Variants in PPARGC1B observed in about 807,000 individuals in gnomAD.
PPARGC1B encodes the protein peroxisome proliferator-activated receptor gamma coactivator 1-beta.
In PPARGC1B, 34 loss-of-function variants were observed where a neutral mutation model predicts 101.6. The ratio of observed to expected loss-of-function variants is 0.33; its 90% CI spans 0.25 to 0.45. The LOEUF (loss-of-function observed/expected upper bound fraction) is 0.45. PPARGC1B is among the 20% of genes least tolerant of loss of function. The probability of loss-of-function intolerance (pLI) is 1.00; values close to 1 mark genes in which losing one functional copy is unlikely to be tolerated. For synonymous variants in PPARGC1B, 548 were observed against 539.3 expected (o/e 1.02, Z -0.22); for missense variants, 1,234 against 1,317.6 (o/e 0.94, Z 0.98).
chr5:149,827,107 T>G (rs1415435737), intron 3 of PPARGC1B, among the ~76,000 whole-genome samples: 3 of 152,260 alleles, frequency 2.0e-5, no homozygotes, highest in African/African-American at 7.2e-5. Flanking sequence ...TTCACCTGCA[T>G]TCTCTATGCT....
chr5:149,821,214 T>C, intron 2 of PPARGC1B, among the ~76,000 whole-genome samples: 1 of 152,206 alleles, frequency 6.6e-6, no homozygotes, highest in Non-Finnish European at 1.5e-5. Flanking sequence ...GTAAATACAA[T>C]TATCTCCCTT....
At chr5:149,820,628 C>G (rs755744782) in intron 2 of PPARGC1B, 22 bp downstream of exon 2, 1 of 1,591,934 alleles carries the variant, frequency 6.3e-7, no homozygotes, top group Non-Finnish European at 8.5e-7. Context: ...CCAGTCTCCC[C>G]TCCTCCCACC....
At chr5:149,770,802 G>A (rs1237263637) in intron 1 of PPARGC1B, among the ~76,000 whole-genome samples, 3 of 150,856 alleles carry the variant, frequency 2.0e-5, no homozygotes, top group African/African-American at 4.9e-5. Flanking sequence ...ACTCCAGCCC[G>A]GACAACAGAG....
At chr5:149,835,928 T>C (rs1759046649) in intron 7 of PPARGC1B, among the ~76,000 whole-genome samples, 1 of 151,336 alleles carries the variant, frequency 6.6e-6, no homozygotes. Context: ...GCCATTTTAT[T>C]GCCATCCCAA....
At position 149,852,343 on chromosome 5, in the gene PPARGC1B, T is replaced by C. The variant is rs1759797987; in HGVS notation, c.*4785T>C. 1 of 152,216 alleles carries C rather than the reference T, an allele frequency of 6.6e-6. No individual in the cohort carries two copies. Among genetic ancestry groups the C allele is most frequent in the Non-Finnish European group, 1.5e-5 (1 of 68,042 alleles). 9.4% of individuals were successfully genotyped at this position (152,216 alleles called of 1,614,324 possible). A position where few individuals can be genotyped will look rare whatever the true frequency, so the allele number is the denominator to read the frequency against. ...TGAGCATTAAAGTCCCTTTCACCTC[T>C]GAGAGGCTCAGATCCCCAACCAGGA... On this transcript the variant is annotated 3_prime_UTR_variant, in exon 12 of 12. Transcript: ENST00000309241.
chr5:149,836,267 C>A lies in PPARGC1B; in HGVS notation c.1812C>A (p.Leu604=), dbSNP rs1248060335. Residue 604 remains leucine, a synonymous_variant, in exon 8 of 12, where the codon CTC becomes CTA. Coordinates refer to ENST00000309241, the MANE Select transcript of PPARGC1B (RefSeq NM_133263.4). ...TTTCTCCTCTTCCTCGGGCAGGACT[C>A]ACCCCACCCACCACACCACCGTACA... The part of the protein sequence containing the change: ...LTVELCGTAG[L]TPPTTPPYKP... 5.8e-6 allele frequency: 9 copies of A among 1,561,578 alleles called. No homozygotes were observed. Among genetic ancestry groups the A allele is most frequent in the Non-Finnish European group, 6.9e-6 (8 of 1,155,200 alleles).
intron 2 of PPARGC1B, among the ~76,000 whole-genome samples, chr5:149,826,285 A>T (rs1447992076): frequency 6.6e-6 from 1 of 152,166 alleles, no homozygotes; most frequent in East Asian, 1.9e-4. Context: ...GAGGGGCTGT[A>T]ACGGGTTGCT....
At chr5:149,809,419 GATAGATAGATCCATCTCTACC>G (rs1340608295) in intron 1 of PPARGC1B, among the ~76,000 whole-genome samples, 14 of 146,676 alleles carry the variant, frequency 9.5e-5, no homozygotes, top group South Asian at 4.4e-4. Flanking sequence ...TAGATAGATA[GATAGATAGATCCATCTCTACC>G]ATAGATAGAT....
At chr5:149,797,503 C>T (rs761929136) in intron 1 of PPARGC1B, among the ~76,000 whole-genome samples, 3 of 152,174 alleles carry the variant, frequency 2.0e-5, no homozygotes, top group Non-Finnish European at 4.4e-5. Context: ...ATTAGGCATG[C>T]CACTAGCTCT....
In PPARGC1B at chr5:149,854,216, C is replaced by T. The variant is rs1414556790; in HGVS notation, c.*6658C>T. 1.3e-5 allele frequency: 2 copies of T among 152,120 alleles called. No homozygotes were observed. Among genetic ancestry groups the T allele is most frequent in the East Asian group, 3.9e-4 (2 of 5,186 alleles). 9.4% of individuals were successfully genotyped at this position (152,120 alleles called of 1,614,324 possible). On this transcript the variant is annotated 3_prime_UTR_variant, in exon 12 of 12. Transcript: ENST00000309241. ...GGGTCAAACCAAGGAATGGCTAAAC[C>T]TGTGAGGTTTTGTCATCCCCGGGGG...
chr5:149,737,491 C>T (rs1229158785), intron 1 of PPARGC1B, among the ~76,000 whole-genome samples: 1 of 152,208 alleles, frequency 6.6e-6, no homozygotes, highest in Non-Finnish European at 1.5e-5. Context: ...TCACCAGCCA[C>T]TGTTTTGGCG....
chr5:149,825,061 A>G (rs1000764910), intron 2 of PPARGC1B, among the ~76,000 whole-genome samples: 1 of 151,626 alleles, frequency 6.6e-6, no homozygotes, highest in Admixed American at 6.6e-5. Flanking sequence ...AGGAGGCATC[A>G]TGTGACAGAA....
At chr5:149,814,663 G>A (rs1411990228) in intron 1 of PPARGC1B, among the ~76,000 whole-genome samples, 1 of 152,220 alleles carries the variant, frequency 6.6e-6, no homozygotes, top group African/African-American at 2.4e-5. Flanking sequence ...TTATAGCCAG[G>A]AAAGTAGAGC....
intron 1 of PPARGC1B, among the ~76,000 whole-genome samples, chr5:149,735,853 C>T (rs1039262341): frequency 2.0e-5 from 3 of 152,186 alleles, no homozygotes; most frequent in African/African-American, 7.2e-5. Context: ...AGGCCGGGTG[C>T]GGCGGCTCAC....
chr5:149,781,428 C>G (rs1756594078), intron 1 of PPARGC1B, among the ~76,000 whole-genome samples: 1 of 152,170 alleles, frequency 6.6e-6, no homozygotes, highest in African/African-American at 2.4e-5. Flanking sequence ...CTTAGCCTCC[C>G]CATGCCTCAG....
At chr5:149,798,898 A>T (rs780756275) in intron 1 of PPARGC1B, among the ~76,000 whole-genome samples, 3 of 152,202 alleles carry the variant, frequency 2.0e-5, no homozygotes, top group East Asian at 1.9e-4. Flanking sequence ...AAGGGCAGTG[A>T]TTCTTATGGG....
In PPARGC1B at chr5:149,833,800, C is replaced by T. The variant is rs370178112; in HGVS notation, c.1705+22C>T. The T allele has an allele frequency of 6.6e-5, 97 of 1,468,056 alleles. No individual in the cohort carries two copies. Among genetic ancestry groups the T allele is most frequent in the South Asian group, 4.5e-4 (32 of 71,148 alleles). The allele number at this position is 1,468,056 out of a possible 1,614,324, so 90.9% of individuals were successfully genotyped here. On this transcript the variant is annotated intron_variant, in intron 5 of 11. Transcript: ENST00000309241. The surrounding 1 kb of genome is among the most constrained non-coding windows in gnomAD (Gnocchi z 4.1). ...AGAGGTAGTCAGAGTTGGTGGTCTG[C>T]GAAGTGGGGGCAGGGATGGGGTGCA...
At chr5:149,762,751 T>C (rs1755761769) in intron 1 of PPARGC1B, among the ~76,000 whole-genome samples, 1 of 152,140 alleles carries the variant, frequency 6.6e-6, no homozygotes, top group Non-Finnish European at 1.5e-5. Flanking sequence ...GAATCTCACT[T>C]TTATCCTCTA....
In PPARGC1B at chr5:149,826,763, G is replaced by A; in HGVS notation, c.343G>A (p.Ala115Thr). Residue 115 changes from alanine (A) to threonine (T), a missense_variant, in exon 3 of 12, where the codon GCC becomes ACC. Around this residue, in one of 3 missense-constraint regions of PPARGC1B, gnomAD observed 734 missense variants for 768.4 expected, o/e 0.96. Transcript: ENST00000309241. Reference sequence around the variant, plus strand: ...TGACGTGGGTCTGGCTGCCTTCCCAGCCCTGGATGGTGGAGACGCTCTATC... The same window carrying A: ...TGACGTGGGTCTGGCTGCCTTCCCAACCCTGGATGGTGGAGACGCTCTATC... ...EDDVGLAAFPALDGGDALSCT... is the reference protein window; with the variant it reads ...EDDVGLAAFPTLDGGDALSCT... The A allele has an allele frequency of 6.2e-7, 1 of 1,614,078 alleles. No homozygotes were observed.
Sources: gnomAD v4.1 joint callset for allele counts (sites outside exome capture counted in the v4.1 genomes callset) on GRCh38, gnomAD v4.1.1 for gene constraint, gnomAD v4.1.1 regional missense constraint, Gnocchi (gnomAD v3.1) non-coding constraint, MANE v1.5 for transcripts, NCBI Gene and HGNC (gene_info 2026-07-23, HGNC 2026-07-21) for gene names.